PPP2R2A: variants seen among roughly 807,000 people sequenced by gnomAD.
The protein encoded by PPP2R2A is protein phosphatase 2 regulatory subunit Balpha, also known as serine/threonine-protein phosphatase 2A 55 kDa regulatory subunit B alpha isoform.
In PPP2R2A, 9 loss-of-function variants were observed where a neutral mutation model predicts 53.2. The observed-to-expected ratio is 0.17, with a 90% CI of 0.10 to 0.30. The LOEUF is 0.30. PPP2R2A is among the 10% of genes least tolerant of loss of function. The pLI, the probability that PPP2R2A is intolerant of heterozygous loss-of-function variation, is 1.00. For synonymous variants in PPP2R2A, 169 were observed against 174.2 expected (o/e 0.97, Z 0.23); for missense variants, 235 against 534.6 (o/e 0.44, Z 5.53).
rs556888891 is a variant in PPP2R2A at position 26,291,956 on chromosome 8, C to T, written c.7+130C>T. On this transcript the variant is annotated intron_variant, in intron 1 of 9. Coordinates refer to ENST00000380737, the MANE Select transcript of PPP2R2A (RefSeq NM_002717.4). The stretch of plus-strand genomic sequence containing the variant: ...CCCCTCGGGTTTGAGGGAGTAGGGT[C>T]CAGAGGGGTGGGGTGGGGGCGGGGA... The T allele has an allele frequency of 6.1e-3, 7,769 of 1,282,074 alleles. 47 individuals carry two copies. Among genetic ancestry groups the T allele is most frequent in the Admixed American group, 7.3e-3 (263 of 36,186 alleles). The allele number at this position is 1,282,074 out of a possible 1,614,324, so 79.4% of individuals were successfully genotyped here.
At chr8:26,344,278 AT>A (rs1330300111) in intron 3 of PPP2R2A, among the ~76,000 whole-genome samples, 1 of 152,210 alleles carries the variant, frequency 6.6e-6, no homozygotes, top group Non-Finnish European at 1.5e-5. Flanking sequence ...ATAAAATGAG[AT>A]TTAGAGAGGA....
At chr8:26,346,476 G>T (rs888495724) in intron 3 of PPP2R2A, among the ~76,000 whole-genome samples, 2 of 152,106 alleles carry the variant, frequency 1.3e-5, no homozygotes, top group African/African-American at 4.8e-5. Flanking sequence ...TTTTCACATG[G>T]ATTTAAAATG....
chr8:26,356,826 T>C (rs184478309), intron 4 of PPP2R2A, among the ~76,000 whole-genome samples: 223 of 152,350 alleles, frequency 1.5e-3, no homozygotes, highest in African/African-American at 5.1e-3. Flanking sequence ...ATGCTCATCA[T>C]CCACTTCTGA....
At chr8:26,340,508 C>A (rs962064821) in intron 3 of PPP2R2A, among the ~76,000 whole-genome samples, 3 of 151,940 alleles carry the variant, frequency 2.0e-5, no homozygotes, top group African/African-American at 7.2e-5. Context: ...GAGAAAAACT[C>A]GTAAAAATTG....
At chr8:26,353,768 G>A (rs1033138882) in intron 3 of PPP2R2A, among the ~76,000 whole-genome samples, 6 of 152,146 alleles carry the variant, frequency 3.9e-5, no homozygotes, top group East Asian at 1.9e-4. Flanking sequence ...TTAGTCATCA[G>A]TGTGTGCCAG....
At position 26,360,124 on chromosome 8, in the gene PPP2R2A, TTTC is replaced by T. The variant is rs753265473; in HGVS notation, c.347-38_347-36del. ...CATATTTTAAATGCCTTAAAATGTT[TTTC>T]TTCTTCAGTATTTTAAGGACTTTTC... On this transcript the variant is annotated intron_variant, in intron 4 of 9. Transcript: ENST00000380737. The surrounding 1 kb of genome is among the most constrained non-coding windows in gnomAD (Gnocchi z 4.5). 5.2e-5 allele frequency: 57 copies of T among 1,106,474 alleles called. No homozygotes were observed. The highest frequency in any genetic ancestry group is 7.2e-5 in the Non-Finnish European group (54 of 747,736). 68.5% of individuals were successfully genotyped at this position (1,106,474 alleles called of 1,614,324 possible).
At chr8:26,312,291 T>C (rs1802326921) in intron 2 of PPP2R2A, among the ~76,000 whole-genome samples, 1 of 152,252 alleles carries the variant, frequency 6.6e-6, no homozygotes, top group African/African-American at 2.4e-5. Flanking sequence ...TCTAGCTTTA[T>C]GTGCATGTGA....
Position 26,371,804 on chromosome 8 carries a change from G to A in PPP2R2A, c.*1391G>A, listed in dbSNP as rs577428100. On this transcript the variant is annotated 3_prime_UTR_variant, in exon 10 of 10. Transcript: ENST00000380737. ...GTATATGAATACATTTTCCCTAAGC[G>A]GTGATACATTATCCAAAGATGAAGA... 2.6e-4 allele frequency: 40 copies of A among 152,258 alleles called. No individual in the cohort carries two copies. Among genetic ancestry groups the A allele is most frequent in the African/African-American group, 9.6e-4 (40 of 41,550 alleles). 9.4% of individuals were successfully genotyped at this position (152,258 alleles called of 1,614,324 possible).
rs566307413 is a variant in PPP2R2A, at chr8:26,360,609, A to G, written c.459+328A>G. On this transcript the variant is annotated intron_variant, in intron 5 of 9. Coordinates refer to ENST00000380737, the MANE Select transcript of PPP2R2A (RefSeq NM_002717.4). The surrounding 1 kb of genome is among the most constrained non-coding windows in gnomAD (Gnocchi z 4.5). ...AAATCAAAAAAGTAGATACAGATCA[A>G]ATCTTCTAGTTGTAGCTAAAAAATA... The G allele has an allele frequency of 7.0e-6, 2 of 285,076 alleles. No homozygotes were observed. The highest frequency in any genetic ancestry group is 9.7e-5 in the South Asian group (1 of 10,330). 17.7% of individuals were successfully genotyped at this position (285,076 alleles called of 1,614,324 possible).
Position 26,360,270 on chromosome 8 carries a change from A to G in PPP2R2A, c.448A>G (p.Thr150Ala). 1 of 1,590,682 alleles carries G rather than the reference A, an allele frequency of 6.3e-7. No homozygotes were observed. Among genetic ancestry groups the G allele is most frequent in the Non-Finnish European group, 8.6e-7 (1 of 1,161,754 alleles). ...DGRYRDPTTV[T>A]TLRVPVFRPM... ...AAGGTATAGAGATCCTACTACAGTT[A>G]CTACACTACGAGTAAGTACATAAGA... is the stretch of plus-strand genomic sequence containing the variant. Residue 150 changes from threonine to alanine, a missense_variant, in exon 5 of 10, where the codon ACT (threonine) becomes GCT (alanine). This residue lies in a region of PPP2R2A where 181 missense variants were observed against 409.9 expected (regional missense o/e 0.44). Coordinates refer to ENST00000380737, the MANE Select transcript of PPP2R2A (RefSeq NM_002717.4). The surrounding 1 kb of genome is among the most constrained non-coding windows in gnomAD (Gnocchi z 4.5).
intron 2 of PPP2R2A, among the ~76,000 whole-genome samples, chr8:26,335,397 G>A (rs1005858599): frequency 1.3e-5 from 2 of 152,136 alleles, no homozygotes; most frequent in Non-Finnish European, 2.9e-5. Flanking sequence ...GGAACACCAT[G>A]ACGTAGTGAT....
intron 2 of PPP2R2A, among the ~76,000 whole-genome samples, chr8:26,333,890 G>A (rs1353483279): frequency 6.6e-6 from 1 of 152,110 alleles, no homozygotes; most frequent in Non-Finnish European, 1.5e-5. Context: ...ACCTGCCTGG[G>A]TGCTGACAGT....
At chr8:26,356,195 T>G (rs937124476) in intron 4 of PPP2R2A, among the ~76,000 whole-genome samples, 2 of 152,226 alleles carry the variant, frequency 1.3e-5, no homozygotes, top group African/African-American at 4.8e-5. Context: ...GAATATATAC[T>G]TAAATGACTT....
chr8:26,353,717 A>G (rs967527714), intron 3 of PPP2R2A, among the ~76,000 whole-genome samples: 1 of 152,206 alleles, frequency 6.6e-6, no homozygotes, highest in African/African-American at 2.4e-5. Context: ...CCTTTATGAG[A>G]TAGCTTAAAT....
At position 26,293,217 on chromosome 8, in the gene PPP2R2A, T is replaced by C. The variant is rs1188120591; in HGVS notation, c.8-449T>C. 4 of 1,534,902 alleles carry C rather than the reference T, an allele frequency of 2.6e-6. No homozygotes were observed. In the African/African-American group the frequency reaches 5.5e-5, roughly 21 times the overall value. The stretch of plus-strand genomic sequence containing the variant: ...GTGTGCACTTTGGTGATAAGGTTCA[T>C]ATGAATCATTACTCCTTACCCAGGC... On this transcript the variant is annotated intron_variant, in intron 1 of 9. Transcript: ENST00000380737.
chr8:26,340,002 T>C (rs1343015158), intron 3 of PPP2R2A: 2 of 152,110 alleles, frequency 1.3e-5, no homozygotes, highest in African/African-American at 4.8e-5. Context: ...AAAGAAATGA[T>C]TAATAGTGTC....
Position 26,354,370 on chromosome 8 carries a change from G to T in PPP2R2A, c.181-98G>T. Reference sequence around the variant, plus strand: ...ATTGTATAAAGACACAACTAATGGGGTATTGAGAATGTGCAGGGTCCTTTG... The same window carrying T: ...ATTGTATAAAGACACAACTAATGGGTTATTGAGAATGTGCAGGGTCCTTTG... On this transcript the variant is annotated intron_variant, in intron 3 of 9. Coordinates refer to ENST00000380737, the MANE Select transcript of PPP2R2A (RefSeq NM_002717.4). This position sits in a 1 kb window ranked among gnomAD's most constrained non-coding sequence, Gnocchi z 4.6. The T allele has an allele frequency of 1.1e-6, 1 of 896,730 alleles. No individual in the cohort carries two copies. Among genetic ancestry groups the T allele is most frequent in the Non-Finnish European group, 1.6e-6 (1 of 628,270 alleles). 55.5% of individuals were successfully genotyped at this position (896,730 alleles called of 1,614,324 possible).
intron 1 of PPP2R2A, 37 bp downstream of exon 1, chr8:26,291,863 C>G: frequency 6.2e-7 from 1 of 1,607,036 alleles, no homozygotes; most frequent in East Asian, 2.3e-5. Context: ...TGACAAGGCA[C>G]CGCTTCCTTA....
At chr8:26,342,840 A>G (rs775711176) in intron 3 of PPP2R2A, among the ~76,000 whole-genome samples, 19 of 152,184 alleles carry the variant, frequency 1.2e-4, no homozygotes, top group Non-Finnish European at 2.5e-4. Context: ...TATTGTTAAT[A>G]TGATAGTATT....
Sources: allele counts gnomAD v4.1 joint callset (sites outside exome capture counted in the v4.1 genomes callset), GRCh38; gene constraint gnomAD v4.1.1; regional missense constraint gnomAD v4.1.1; non-coding constraint Gnocchi (gnomAD v3.1); transcripts MANE v1.5; gene names NCBI Gene and HGNC (gene_info 2026-07-23, HGNC 2026-07-21).